HECTD2: variants seen among roughly 807,000 people sequenced by gnomAD.
HECTD2 encodes HECT domain E3 ubiquitin protein ligase 2.
Under a neutral mutation model 103.2 loss-of-function variants are expected in HECTD2, and 35 were observed. The observed-to-expected ratio is 0.34, with a 90% confidence interval of 0.26 to 0.45. The LOEUF is 0.45. Among genes scored for constraint, HECTD2 ranks in the 20% least tolerant of loss-of-function variants. HECTD2 has a pLI of 1.00. For missense variants in HECTD2, 596 were observed against 937.4 expected (o/e 0.64, Z 4.76); for synonymous variants, 281 against 329.9 (o/e 0.85, Z 1.61).
intron 11 of HECTD2, chr10:91,489,655 A>C (rs1428376373): frequency 6.6e-6 from 1 of 152,204 alleles, no homozygotes; most frequent in African/African-American, 2.4e-5. Context: ...AAAAGGTAGG[A>C]AAAAACGGTC....
At chr10:91,454,974 G>A (rs1264685998) in intron 2 of HECTD2, among the ~76,000 whole-genome samples, 1 of 152,122 alleles carries the variant, frequency 6.6e-6, no homozygotes, top group East Asian at 1.9e-4. Flanking sequence ...TATCATTGAT[G>A]GACATTTGGG....
chr10:91,472,116 T>C (rs948289826), intron 5 of HECTD2, among the ~76,000 whole-genome samples: 18 of 152,100 alleles, frequency 1.2e-4, no homozygotes, highest in Non-Finnish European at 2.1e-4. Flanking sequence ...AACAGACACA[T>C]AGACCAATGG....
At chr10:91,485,056 A>G (rs143515247) in intron 9 of HECTD2, 124 bp from the exon 10 acceptor site, 72 of 609,604 alleles carry the variant, frequency 1.2e-4, no homozygotes, top group Non-Finnish European at 1.4e-4. Flanking sequence ...TTGGAGCTAC[A>G]TTTATTTAAA....
intron 13 of HECTD2, 39 bp downstream of exon 13, chr10:91,492,523 C>T (rs1005115981): frequency 3.3e-6 from 5 of 1,501,136 alleles, no homozygotes; most frequent in Non-Finnish European, 4.6e-6. Flanking sequence ...TGTGTTTCTT[C>T]ATAATTGTTA....
chr10:91,435,752 GTC>G, intron 2 of HECTD2, among the ~76,000 whole-genome samples: 1 of 152,022 alleles, frequency 6.6e-6, no homozygotes, highest in African/African-American at 2.4e-5. Context: ...TATATACTCG[GTC>G]TAGCAGCTTC....
intron 1 of HECTD2, among the ~76,000 whole-genome samples, chr10:91,414,874 G>A (rs1228122496): frequency 1.3e-5 from 2 of 152,184 alleles, no homozygotes; most frequent in East Asian, 3.9e-4. Flanking sequence ...AGGCAGAAAA[G>A]CTTAGACAGT....
intron 5 of HECTD2, among the ~76,000 whole-genome samples, chr10:91,475,255 A>G (rs1004187410): frequency 5.3e-5 from 8 of 152,198 alleles, no homozygotes; most frequent in Admixed American, 3.3e-4. Context: ...TGGATTAGCA[A>G]TTTTGGCAAT....
intron 16 of HECTD2, 109 bp from the exon 17 acceptor site, chr10:91,498,763 G>C: frequency 1.6e-6 from 1 of 639,016 alleles, no homozygotes; most frequent in Non-Finnish European, 2.8e-6. Context: ...TAGTTTATGT[G>C]TTTAGAAGGA....
intron 1 of HECTD2, among the ~76,000 whole-genome samples, chr10:91,414,476 A>G (rs1843041869): frequency 6.6e-6 from 1 of 152,240 alleles, no homozygotes; most frequent in African/African-American, 2.4e-5. Flanking sequence ...GCTAGGTGCT[A>G]CAAAAAATGC....
chr10:91,475,847 C>G (rs887523144), intron 5 of HECTD2, among the ~76,000 whole-genome samples: 9 of 152,184 alleles, frequency 5.9e-5, no homozygotes, highest in African/African-American at 1.9e-4. Context: ...GAGAGGGCTG[C>G]TTTACAGGAG....
chr10:91,510,260 G>A (rs1847371097), intron 20 of HECTD2, among the ~76,000 whole-genome samples: 3 of 152,176 alleles, frequency 2.0e-5, no homozygotes. Context: ...AGTACAGAGT[G>A]TAATGTAGAA....
chr10:91,497,834 G>A (rs1421821722), intron 15 of HECTD2, among the ~76,000 whole-genome samples: 2 of 152,130 alleles, frequency 1.3e-5, no homozygotes, highest in Admixed American at 1.3e-4. Context: ...AATTATGACA[G>A]ACACTACATT....
chr10:91,496,234 T>C lies in HECTD2; in HGVS notation c.1542T>C (p.Tyr514=), dbSNP rs778783179. The change falls in exon 15 of 21, where the codon TAT becomes TAC. Residue 514 remains tyrosine, a synonymous_variant. Coordinates refer to ENST00000298068, the MANE Select transcript of HECTD2 (RefSeq NM_182765.6). The part of the protein sequence containing the change: ...LVGILMGLAV[Y]NSITLDIRFP... ...CATAGCTTATGGGACTAGCTGTTTATAACAGCATCACCTTGGATATTCGTT... is the reference window on the plus strand; with the variant it reads ...CATAGCTTATGGGACTAGCTGTTTACAACAGCATCACCTTGGATATTCGTT... 3 of 1,612,266 alleles carry C rather than the reference T, an allele frequency of 1.9e-6. No homozygotes were observed. Among genetic ancestry groups the C allele is most frequent in the Admixed American group, 3.3e-5 (2 of 59,880 alleles).
At chr10:91,464,117 A>G (rs1845449476) in intron 5 of HECTD2, among the ~76,000 whole-genome samples, 2 of 152,190 alleles carry the variant, frequency 1.3e-5, no homozygotes. Flanking sequence ...AATAGGGTAT[A>G]AATTCTAAAT....
intron 2 of HECTD2, among the ~76,000 whole-genome samples, chr10:91,431,438 T>C (rs1226138423): frequency 7.2e-5 from 11 of 152,146 alleles, no homozygotes; most frequent in Non-Finnish European, 8.8e-5. Context: ...CCTTGCTAGA[T>C]TGGGGAAGTT....
At chr10:91,454,549 C>G (rs1844983758) in intron 2 of HECTD2, among the ~76,000 whole-genome samples, 1 of 151,246 alleles carries the variant, frequency 6.6e-6, no homozygotes, top group Non-Finnish European at 1.5e-5. Context: ...AGCAGTCATG[C>G]ATACGTTAGA....
chr10:91,490,568 A>G (rs1232685057), intron 11 of HECTD2, among the ~76,000 whole-genome samples: 2 of 152,140 alleles, frequency 1.3e-5, no homozygotes, highest in Non-Finnish European at 2.9e-5. Context: ...TTATATTTGT[A>G]TTTATTAAAC....
intron 1 of HECTD2, among the ~76,000 whole-genome samples, chr10:91,418,810 G>A (rs549512974): frequency 2.0e-5 from 3 of 152,256 alleles, no homozygotes; most frequent in South Asian, 2.1e-4. Flanking sequence ...TTAAAAATTG[G>A]TAAAGTAGGG....
At chr10:91,460,358 A>T in intron 2 of HECTD2, 69 bp from the exon 3 acceptor site, 1 of 1,210,152 alleles carries the variant, frequency 8.3e-7, no homozygotes, top group Non-Finnish European at 1.2e-6. Flanking sequence ...ATGTTGAATT[A>T]ATCTTGTATT....
Sources: allele counts gnomAD v4.1 joint callset (sites outside exome capture counted in the v4.1 genomes callset), GRCh38; gene constraint gnomAD v4.1.1; transcripts MANE v1.5; gene names NCBI Gene and HGNC (gene_info 2026-07-23, HGNC 2026-07-21).